The following SKOR1 variants were observed in gnomAD, a reference collection of about 807,000 sequenced individuals.
SKOR1 encodes SKI family transcriptional corepressor 1.
SKOR1 carries 38 observed loss-of-function variants against 72.4 expected under a neutral mutation model. The ratio of observed to expected loss-of-function variants is 0.52; its 90% CI spans 0.40 to 0.69. SKOR1 has a LOEUF of 0.69. Ranked by LOEUF, SKOR1 falls within the 30% of genes least tolerant of loss-of-function variation. SKOR1 has a pLI of 0.00. For synonymous variants in SKOR1, 642 were observed against 599.4 expected, an observed-to-expected ratio of 1.07 and a Z score of -1.04; for missense variants, 1,320 against 1,343.2, an observed-to-expected ratio of 0.98 and a Z score of 0.27.
chr15:67,826,386 G>A lies in SKOR1; in HGVS notation c.558G>A (p.Glu186=), dbSNP rs769198235. 2.5e-6 allele frequency: 4 copies of A among 1,613,912 alleles called. No homozygotes were observed. In the South Asian group the frequency reaches 3.3e-5, roughly 13 times the overall value. ...ACTTCGCCTTCGATGTGGTGCACGAGTGCGCGTGGGGCTCGCGTGGTAGCT... is the reference window on the plus strand; with the variant it reads ...ACTTCGCCTTCGATGTGGTGCACGAATGCGCGTGGGGCTCGCGTGGTAGCT... The part of the protein sequence containing the change: ...PENFAFDVVH[E]CAWGSRGSFI... Residue 186 remains glutamate, a synonymous_variant, in exon 2 of 9, where the codon GAG becomes GAA. Coordinates refer to ENST00000380035, the MANE Select transcript of SKOR1 (RefSeq NM_001365915.1).
intron 3 of SKOR1, 49 bp from the exon 4 acceptor site, chr15:67,830,141 CG>C: frequency 3.1e-6 from 5 of 1,588,900 alleles, no homozygotes; most frequent in Non-Finnish European, 4.3e-6. Context: ...CGGCAGTATC[CG>C]GGTCACGGTT....
Position 67,830,851 on chromosome 15 carries a change from C to A in SKOR1, c.2549C>A (p.Thr850Asn). The A allele has an allele frequency of 6.2e-7, 1 of 1,614,158 alleles. No individual in the cohort carries two copies. Among genetic ancestry groups the A allele is most frequent in the Non-Finnish European group, 8.5e-7 (1 of 1,180,040 alleles). The change falls in exon 5 of 9, where the codon ACT becomes AAT. Residue 850 changes from threonine (T) to asparagine (N), a missense_variant. Around this residue, in one of 3 missense-constraint regions of SKOR1, gnomAD observed 1,099 missense variants for 1,025.5 expected, o/e 1.07. Coordinates refer to ENST00000380035, the MANE Select transcript of SKOR1 (RefSeq NM_001365915.1). ...EDGLTLDVTGTHLVEKDIENL... is the reference protein window; with the variant it reads ...EDGLTLDVTGNHLVEKDIENL... The stretch of plus-strand genomic sequence containing the variant: ...GGGCTTACCTTGGATGTCACAGGAA[C>A]TCATTTGGTGGAGAAAGATATCGAG...
chr15:67,828,486 A>T (rs921220844), intron 2 of SKOR1, among the ~76,000 whole-genome samples: 3 of 152,142 alleles, frequency 2.0e-5, no homozygotes, highest in Non-Finnish European at 4.4e-5. Context: ...TAAGAAAGGA[A>T]CCCAGAGCCA....
chr15:67,827,176 G>C lies in SKOR1; in HGVS notation c.1348G>C (p.Ala450Pro), dbSNP rs752820347. 3.1e-5 allele frequency: 43 copies of C among 1,367,444 alleles called. No homozygotes were observed. The highest frequency in any genetic ancestry group is 3.7e-5 in the Admixed American group (1 of 27,100). 84.7% of individuals were successfully genotyped at this position (1,367,444 alleles called of 1,614,324 possible). The change falls in exon 2 of 9, where the codon GCA becomes CCA. Residue 450 changes from alanine to proline, a missense_variant. Physicochemically the swap from Ala to Pro is conservative, Grantham distance 27 (BLOSUM62 -1). Transcript: ENST00000380035. ...GPGASHLPPGAGAGPGGGAMF... is the reference protein window; with the variant it reads ...GPGASHLPPGPGAGPGGGAMF... ...GGGAGCCAGCCACTTGCCCCCGGGGGCAGGGGCGGGCCCGGGCGGCGGCGC... is the reference window on the plus strand; with the variant it reads ...GGGAGCCAGCCACTTGCCCCCGGGGCCAGGGGCGGGCCCGGGCGGCGGCGC...
chr15:67,831,907 G>GC (rs893741622), intron 5 of SKOR1, among the ~76,000 whole-genome samples: 8 of 148,532 alleles, frequency 5.4e-5, no homozygotes, highest in Admixed American at 1.3e-4. Flanking sequence ...GCGGTGCGGG[G>GC]GGGGGAGGTC....
Position 67,832,128 on chromosome 15 carries a change from G to A in SKOR1, c.2588-146G>A. 1 of 718,838 alleles carries A rather than the reference G, an allele frequency of 1.4e-6. No individual in the cohort carries two copies. The highest frequency in any genetic ancestry group is 2.5e-6 in the Non-Finnish European group (1 of 408,108). 44.5% of individuals were successfully genotyped at this position (718,838 alleles called of 1,614,324 possible). ...TCTTCACCCAAATCCTTTGAATGCA[G>A]TTGGTAAAGCCAGAGAGCGGAGGGC... is the stretch of plus-strand genomic sequence containing the variant. On this transcript the variant is annotated intron_variant, in intron 5 of 8. Transcript: ENST00000380035. This position sits in a 1 kb window ranked among gnomAD's most constrained non-coding sequence, Gnocchi z 4.5.
rs1320422584 is a variant in SKOR1 at position 67,826,839 on chromosome 15, G to A, written c.1011G>A (p.Pro337=). Residue 337 remains proline (P), a synonymous_variant, in exon 2 of 9, where the codon CCG becomes CCA. Coordinates refer to ENST00000380035, the MANE Select transcript of SKOR1 (RefSeq NM_001365915.1). Reference sequence around the variant, plus strand: ...GCGAAGATGAGGCTGCCGGGCCTCCGGGGCCACCTCCACCCCACCCGCAGC... The same window carrying A: ...GCGAAGATGAGGCTGCCGGGCCTCCAGGGCCACCTCCACCCCACCCGCAGC... ...RCGEDEAAGP[P]GPPPPHPQRG... 5.9e-6 allele frequency: 9 copies of A among 1,523,822 alleles called. No individual in the cohort carries two copies. Among genetic ancestry groups the A allele is most frequent in the Admixed American group, 2.0e-5 (1 of 49,638 alleles). The allele number at this position is 1,523,822 out of a possible 1,614,324, so 94.4% of individuals were successfully genotyped here.
intron 3 of SKOR1, among the ~76,000 whole-genome samples, chr15:67,829,775 G>A (rs992211285): frequency 3.3e-5 from 5 of 152,240 alleles, no homozygotes; most frequent in Non-Finnish European, 5.9e-5. Flanking sequence ...GGAAAATCGG[G>A]CAGGTCGAGG....
Position 67,827,133 on chromosome 15 carries a change from CG to C in SKOR1, c.1310del (p.Gly437ValfsTer198). The C allele has an allele frequency of 7.3e-7, 1 of 1,375,700 alleles. No individual in the cohort carries two copies. 85.2% of individuals were successfully genotyped at this position (1,375,700 alleles called of 1,614,324 possible). The part of the protein sequence containing the change: ...GSGGGGAGTG[G>X]GAGGPGASHL... ...GCGGCGGCGGCGGCGCGGGGACAGG[CG>C]GGGGTGCGGGGGGCCCGGGAGCCAG... On this transcript the variant is annotated frameshift_variant, in exon 2 of 9. Coordinates refer to ENST00000380035, the MANE Select transcript of SKOR1 (RefSeq NM_001365915.1). LOFTEE classifies it high-confidence loss of function.
chr15:67,833,828 T>G lies in SKOR1; in HGVS notation c.2890T>G (p.Leu964Val). Reference protein sequence around the residue: ...TGNCSFKPPLLP With the variant: ...TGNCSFKPPLVP ...CAACTGCTCCTTCAAGCCACCGCTG[T>G]TGCCCTAGGGCCGGCCTGGCCGCAC... Residue 964 changes from leucine to valine, a missense_variant, in exon 9 of 9, where the codon TTG becomes GTG. By Grantham distance (32) the Leu-to-Val change is conservative. Transcript: ENST00000380035. This position sits in a 1 kb window ranked among gnomAD's most constrained non-coding sequence, Gnocchi z 6.0. The G allele has an allele frequency of 6.2e-7, 1 of 1,610,418 alleles. No individual in the cohort carries two copies. The highest frequency in any genetic ancestry group is 8.5e-7 in the Non-Finnish European group (1 of 1,179,998).
At position 67,834,163 on chromosome 15, in the gene SKOR1, T is replaced by G. The variant is rs1021598861; in HGVS notation, c.*327T>G. 2.8e-4 allele frequency: 115 copies of G among 414,846 alleles called. No individual in the cohort carries two copies. The highest frequency in any genetic ancestry group is 3.1e-4 in the Non-Finnish European group (68 of 219,216). 25.7% of individuals were successfully genotyped at this position (414,846 alleles called of 1,614,324 possible). On this transcript the variant is annotated 3_prime_UTR_variant, in exon 9 of 9. Coordinates refer to ENST00000380035, the MANE Select transcript of SKOR1 (RefSeq NM_001365915.1). This position sits in a 1 kb window ranked among gnomAD's most constrained non-coding sequence, Gnocchi z 5.8. ...GGGGAGAGCGCCCCCTCCCATTGTA[T>G]AGCCTTGAACCCGATTGTGAATACA...
At chr15:67,831,852 T>A (rs2091009549) in intron 5 of SKOR1, among the ~76,000 whole-genome samples, 1 of 138,000 alleles carries the variant, frequency 7.2e-6, no homozygotes, top group Admixed American at 8.0e-5. Flanking sequence ...GGGAAAGGTG[T>A]CCAAGGCTCT....
Position 67,830,907 on chromosome 15 carries a change from A to G in SKOR1, c.2587+18A>G. ...GGCCAGAGGTGAGGATAAATTTGTG[A>G]AAAAGGTGTACGCTGTGCTTGAGAG... On this transcript the variant is annotated intron_variant, in intron 5 of 8. Transcript: ENST00000380035. 2 of 1,610,320 alleles carry G rather than the reference A, an allele frequency of 1.2e-6. No individual in the cohort carries two copies. The highest frequency in any genetic ancestry group is 1.7e-6 in the Non-Finnish European group (2 of 1,176,666).
chr15:67,827,075 C>A lies in SKOR1; in HGVS notation c.1247C>A (p.Ala416Glu), dbSNP rs1246694853. 3 of 1,524,608 alleles carry A rather than the reference C, an allele frequency of 2.0e-6. No homozygotes were observed. Among genetic ancestry groups the A allele is most frequent in the African/African-American group, 2.9e-5 (2 of 69,570 alleles). The allele number at this position is 1,524,608 out of a possible 1,614,324, so 94.4% of individuals were successfully genotyped here. Residue 416 changes from alanine to glutamate, a missense_variant, in exon 2 of 9, where the codon GCG becomes GAG. Transcript: ENST00000380035. The part of the protein sequence containing the change: ...CPKKDDPVLG[A>E]GEPKGGPGTG... ...AAAAAGGACGACCCGGTTTTAGGCGCGGGCGAGCCAAAGGGCGGTCCTGGC... is the reference window on the plus strand; with the variant it reads ...AAAAAGGACGACCCGGTTTTAGGCGAGGGCGAGCCAAAGGGCGGTCCTGGC...
rs2091019403 is a variant in SKOR1 at position 67,832,871 on chromosome 15, A to G, written c.2737+190A>G. 9.8e-6 allele frequency: 6 copies of G among 610,148 alleles called. No homozygotes were observed. Among genetic ancestry groups the G allele is most frequent in the Non-Finnish European group, 1.2e-5 (4 of 346,106 alleles). The allele number at this position is 610,148 out of a possible 1,614,324, so 37.8% of individuals were successfully genotyped here. On this transcript the variant is annotated intron_variant, in intron 7 of 8. Transcript: ENST00000380035. This position sits in a 1 kb window ranked among gnomAD's most constrained non-coding sequence, Gnocchi z 4.5. ...CGAGCCCAGCAAACGGCTTGCAGGC[A>G]TCATTACATGGAGTGATTGAACTTC...
intron 4 of SKOR1, 152 bp downstream of exon 4, chr15:67,830,450 G>T: frequency 1.4e-6 from 1 of 726,078 alleles, no homozygotes; most frequent in East Asian, 2.7e-5. Flanking sequence ...TATTTAACGC[G>T]AGCAGGGTGC....
In SKOR1 at chr15:67,826,390, G is replaced by A; in HGVS notation, c.562G>A (p.Ala188Thr). 5 of 1,613,898 alleles carry A rather than the reference G, an allele frequency of 3.1e-6. No individual in the cohort carries two copies. In the South Asian group the frequency reaches 3.3e-5, roughly 11 times the overall value. ...NFAFDVVHEC[A>T]WGSRGSFIPA... Reference sequence around the variant, plus strand: ...CGCCTTCGATGTGGTGCACGAGTGCGCGTGGGGCTCGCGTGGTAGCTTCAT... The same window carrying A: ...CGCCTTCGATGTGGTGCACGAGTGCACGTGGGGCTCGCGTGGTAGCTTCAT... Residue 188 changes from alanine to threonine, a missense_variant, in exon 2 of 9, where the codon GCG becomes ACG. Transcript: ENST00000380035.
Position 67,834,098 on chromosome 15 carries a change from T to C in SKOR1, c.*262T>C, listed in dbSNP as rs1318149221. 1.9e-6 allele frequency: 1 copy of C among 533,442 alleles called. No individual in the cohort carries two copies. Among genetic ancestry groups the C allele is most frequent in the Non-Finnish European group, 3.4e-6 (1 of 293,176 alleles). 33.0% of individuals were successfully genotyped at this position (533,442 alleles called of 1,614,324 possible). A position where few individuals can be genotyped will look rare whatever the true frequency, so the allele number is the denominator to read the frequency against. On this transcript the variant is annotated 3_prime_UTR_variant, in exon 9 of 9. Coordinates refer to ENST00000380035, the MANE Select transcript of SKOR1 (RefSeq NM_001365915.1). The surrounding 1 kb of genome is among the most constrained non-coding windows in gnomAD (Gnocchi z 5.8). The stretch of plus-strand genomic sequence containing the variant: ...CCTACCCCGTGTGAACTCTAGGGCA[T>C]CGGACCTCAAGGGGTTAACTGGACA...
In SKOR1 at chr15:67,826,201, A is replaced by G. The variant is rs770311149; in HGVS notation, c.373A>G (p.Ile125Val). 8 of 1,613,296 alleles carry G rather than the reference A, an allele frequency of 5.0e-6. No homozygotes were observed. Among genetic ancestry groups the G allele is most frequent in the Non-Finnish European group, 5.1e-6 (6 of 1,179,956 alleles). Residue 125 changes from isoleucine to valine, a missense_variant, in exon 2 of 9, where the codon ATC becomes GTC. Physicochemically the swap from Ile to Val is conservative, Grantham distance 29. Transcript: ENST00000380035. ...CCACAACCGCCGCGTGGCCCTGGGC[A>G]TCACGTGCGTGCAGTGCACGCCGGT... The part of the protein sequence containing the change: ...EIHNRRVALG[I>V]TCVQCTPVQL...
Sources: allele counts gnomAD v4.1 joint callset (sites outside exome capture counted in the v4.1 genomes callset), GRCh38; gene constraint gnomAD v4.1.1; regional missense constraint gnomAD v4.1.1; non-coding constraint Gnocchi (gnomAD v3.1); transcripts MANE v1.5; gene names NCBI Gene and HGNC (gene_info 2026-07-23, HGNC 2026-07-21).